Variants in GTF2I observed in about 807,000 individuals in gnomAD.
GTF2I encodes the protein general transcription factor II-I.
In GTF2I, 12 loss-of-function variants were observed where a neutral mutation model predicts 67.6. The observed-to-expected ratio is 0.18, with a 90% CI of 0.11 to 0.29. The LOEUF is 0.29. Among genes scored for constraint, GTF2I ranks in the 10% least tolerant of loss-of-function variants. The pLI is 1.00. For missense variants in GTF2I, 271 were observed against 580.1 expected, an observed-to-expected ratio of 0.47 and a Z score of 5.47; for synonymous variants, 149 against 197.0, an observed-to-expected ratio of 0.76 and a Z score of 2.04.
intron 2 of GTF2I, among the ~76,000 whole-genome samples, chr7:74,690,671 T>C (rs1194129264): frequency 6.6e-6 from 1 of 152,182 alleles, no homozygotes; most frequent in Non-Finnish European, 1.5e-5. Context: ...TGTTCAGTGC[T>C]TCGTCTGTCC....
At chr7:74,702,608 C>T (rs1789960934) in intron 6 of GTF2I, among the ~76,000 whole-genome samples, 1 of 152,164 alleles carries the variant, frequency 6.6e-6, no homozygotes, top group African/African-American at 2.4e-5. Context: ...AGGGTTACCC[C>T]CACATTGCTG....
chr7:74,698,399 T>C, intron 3 of GTF2I, among the ~76,000 whole-genome samples: 1 of 143,608 alleles, frequency 7.0e-6, no homozygotes, highest in Non-Finnish European at 1.5e-5. Flanking sequence ...CTTTTTTTTT[T>C]TTTTTTTTTT....
rs1455028191 is a variant in GTF2I at position 74,718,958 on chromosome 7, C to T, written c.943+17C>T. On this transcript the variant is annotated intron_variant, in intron 12 of 34. Transcript: ENST00000573035. ...CTATTGAAGGTTAGTTATCTAAAAG[C>T]CTTGATTCCAAAGTTTACTTCTGGT... The T allele has an allele frequency of 3.6e-6, 5 of 1,398,848 alleles. No individual in the cohort carries two copies. Among genetic ancestry groups the T allele is most frequent in the Non-Finnish European group, 5.0e-6 (5 of 1,009,830 alleles). The allele number at this position is 1,398,848 out of a possible 1,614,324, so 86.7% of individuals were successfully genotyped here. A position where few individuals can be genotyped will look rare whatever the true frequency, so the allele number is the denominator to read the frequency against.
intron 1 of GTF2I, among the ~76,000 whole-genome samples, chr7:74,666,242 A>G (rs1387466215): frequency 6.6e-6 from 1 of 152,242 alleles, no homozygotes; most frequent in East Asian, 1.9e-4. Context: ...ACTGTTGACT[A>G]TAACACATAC....
intron 7 of GTF2I, among the ~76,000 whole-genome samples, chr7:74,705,798 G>A (rs1322872035): frequency 9.9e-5 from 15 of 151,634 alleles, no homozygotes; most frequent in African/African-American, 3.2e-4. Context: ...TCCTGACCTC[G>A]GGTGATCCAC....
At chr7:74,725,068 G>A (rs1793578272) in intron 12 of GTF2I, among the ~76,000 whole-genome samples, 1 of 152,170 alleles carries the variant, frequency 6.6e-6, no homozygotes, top group Non-Finnish European at 1.5e-5. Context: ...CTTTGGAAAC[G>A]GCAGATAATT....
At chr7:74,718,555 C>T (rs930280945) in intron 11 of GTF2I, among the ~76,000 whole-genome samples, 5 of 152,176 alleles carry the variant, frequency 3.3e-5, no homozygotes, top group African/African-American at 4.8e-5. Context: ...TGTTTCTATC[C>T]GAGCATCTTC....
chr7:74,752,436 CCGGG>C (rs1795854927), intron 28 of GTF2I, among the ~76,000 whole-genome samples: 1 of 150,600 alleles, frequency 6.6e-6, no homozygotes, highest in South Asian at 2.2e-4. Context: ...CTATATGAGA[CCGGG>C]CACGGTGGCT....
chr7:74,711,249 G>C (rs914174149), intron 9 of GTF2I, 140 bp downstream of exon 9: 2 of 466,266 alleles, frequency 4.3e-6, no homozygotes. Flanking sequence ...ATTCAGTCCC[G>C]GGGATAAAAC....
intron 8 of GTF2I, among the ~76,000 whole-genome samples, chr7:74,710,250 G>A (rs782236540): frequency 5.9e-5 from 9 of 152,240 alleles, no homozygotes; most frequent in South Asian, 4.1e-4. Context: ...TCACGATTTC[G>A]TTTGTGTTAG....
intron 1 of GTF2I, among the ~76,000 whole-genome samples, chr7:74,658,413 G>C (rs1262531645): frequency 4.1e-5 from 6 of 145,294 alleles, no homozygotes; most frequent in South Asian, 2.1e-4. Context: ...GGCGTGCGGT[G>C]GGGGGGCGCC....
intron 8 of GTF2I, among the ~76,000 whole-genome samples, chr7:74,709,450 G>A (rs1268017275): frequency 6.6e-6 from 1 of 152,022 alleles, no homozygotes; most frequent in Non-Finnish European, 1.5e-5. Flanking sequence ...TAGAGACGGG[G>A]TTTAACCATG....
intron 6 of GTF2I, among the ~76,000 whole-genome samples, chr7:74,701,624 C>T (rs958392343): frequency 2.6e-5 from 4 of 152,006 alleles, no homozygotes; most frequent in Admixed American, 6.6e-5. Flanking sequence ...CATGCTGCCA[C>T]GCCCGGCTAA....
chr7:74,667,481 G>T (rs1554389000), intron 1 of GTF2I, among the ~76,000 whole-genome samples: 7 of 152,098 alleles, frequency 4.6e-5, no homozygotes. Flanking sequence ...TTAAATTGTG[G>T]TAACATATAC....
At chr7:74,677,675 G>A (rs1439016896) in intron 1 of GTF2I, among the ~76,000 whole-genome samples, 2 of 150,090 alleles carry the variant, frequency 1.3e-5, no homozygotes, top group African/African-American at 2.5e-5. Context: ...CTAGCTACTC[G>A]GGAGGCTGAG....
chr7:74,697,173 G>A (rs1478593126), intron 3 of GTF2I, among the ~76,000 whole-genome samples: 1 of 151,966 alleles, frequency 6.6e-6, no homozygotes, highest in African/African-American at 2.4e-5. Flanking sequence ...AGAGGCAGGC[G>A]GATCACGAGG....
intron 3 of GTF2I, among the ~76,000 whole-genome samples, chr7:74,695,330 G>A (rs1242848065): frequency 6.6e-6 from 1 of 152,100 alleles, no homozygotes; most frequent in African/African-American, 2.4e-5. Context: ...GTTCTACCGT[G>A]GGTGAAATGC....
Position 74,728,407 on chromosome 7 carries a change from T to C in GTF2I, c.944-379T>C, listed in dbSNP as rs1794140141. Among the ~76,000 whole-genome samples, 5 of 150,274 alleles carry C rather than the reference T, an allele frequency of 3.3e-5. No individual in the cohort carries two copies. In the Middle Eastern group the frequency reaches 0.01, roughly 307 times the overall value. On this transcript the variant is annotated intron_variant, in intron 12 of 34. Coordinates refer to ENST00000573035, the MANE Select transcript of GTF2I (RefSeq NM_032999.4). ...GCTTAAATATCTTTTCCATCTAAGC[T>C]GTACTCTATCCCCTTTTATAACTTT...
chr7:74,674,443 G>C (rs1805723942), intron 1 of GTF2I, among the ~76,000 whole-genome samples: 1 of 152,160 alleles, frequency 6.6e-6, no homozygotes. Context: ...TTCACGTAGA[G>C]ACTTGCATTC....
Sources: gnomAD v4.1 joint callset for allele counts (sites outside exome capture counted in the v4.1 genomes callset) on GRCh38, gnomAD v4.1.1 for gene constraint, MANE v1.5 for transcripts, NCBI Gene and HGNC (gene_info 2026-07-23, HGNC 2026-07-21) for gene names.